The following FIGN variants were observed in gnomAD, a reference collection of about 807,000 sequenced individuals.
The protein encoded by FIGN is fidgetin.
In FIGN, 11 loss-of-function variants were observed where a neutral mutation model predicts 51.3. That is an observed-to-expected ratio of 0.21 (90% CI 0.13 to 0.35). The LOEUF is 0.35. Among genes scored for constraint, FIGN ranks in the 10% least tolerant of loss-of-function variants. FIGN has a pLI of 1.00. For missense variants in FIGN, 857 were observed against 943.6 expected, an observed-to-expected ratio of 0.91 and a Z score of 1.20; for synonymous variants, 407 against 363.2, an observed-to-expected ratio of 1.12 and a Z score of -1.37.
intron 2 of FIGN, among the ~76,000 whole-genome samples, chr2:163,715,156 C>T (rs1684648958): frequency 2.0e-5 from 3 of 152,140 alleles, no homozygotes; most frequent in Admixed American, 6.6e-5. Flanking sequence ...TGTTGATCTA[C>T]CATAAAGGAT....
chr2:163,701,919 A>G (rs10179526), intron 2 of FIGN, among the ~76,000 whole-genome samples: 82,097 of 151,928 alleles, frequency 0.54, 25,753 homozygotes, highest in Admixed American at 0.68. Context: ...AAGTAGAAAA[A>G]CTGTAATTTT....
chr2:163,638,659 C>T (rs748338710), intron 2 of FIGN, among the ~76,000 whole-genome samples: 20 of 152,098 alleles, frequency 1.3e-4, no homozygotes, highest in Non-Finnish European at 2.2e-4. Flanking sequence ...TGGGTAGATG[C>T]AAAAATTCTG....
intron 2 of FIGN, among the ~76,000 whole-genome samples, chr2:163,670,383 C>G (rs908902401): frequency 6.6e-6 from 1 of 152,046 alleles, no homozygotes; most frequent in Non-Finnish European, 1.5e-5. Context: ...AAATAGCTAC[C>G]CACTGGAGTT....
At chr2:163,702,464 A>G (rs994133356) in intron 2 of FIGN, among the ~76,000 whole-genome samples, 4 of 152,162 alleles carry the variant, frequency 2.6e-5, no homozygotes, top group Non-Finnish European at 4.4e-5. Context: ...CACCATTTAT[A>G]ACATTGTGAA....
At chr2:163,645,729 G>A (rs796926317) in intron 2 of FIGN, among the ~76,000 whole-genome samples, 16 of 152,228 alleles carry the variant, frequency 1.1e-4, no homozygotes, top group African/African-American at 2.9e-4. Flanking sequence ...AGCTAGCCTC[G>A]CTCACATTAG....
chr2:163,712,400 C>T (rs1684600904), intron 2 of FIGN, among the ~76,000 whole-genome samples: 1 of 152,112 alleles, frequency 6.6e-6, no homozygotes, highest in African/African-American at 2.4e-5. Flanking sequence ...TGTAGAAACA[C>T]CAGCAAAACC....
intron 2 of FIGN, among the ~76,000 whole-genome samples, chr2:163,630,667 C>CA (rs989984794): frequency 6.2e-5 from 6 of 96,368 alleles, no homozygotes; most frequent in Middle Eastern, 6.1e-3. Flanking sequence ...AGGATTTGTA[C>CA]AAAAAAAAGG....
chr2:163,719,977 A>AT (rs555558935), intron 2 of FIGN, among the ~76,000 whole-genome samples: 10 of 152,004 alleles, frequency 6.6e-5, no homozygotes, highest in East Asian at 5.8e-4. Flanking sequence ...AGCTGAAATC[A>AT]TTTTTTTTAA....
chr2:163,652,331 T>C (rs967399228), intron 2 of FIGN, among the ~76,000 whole-genome samples: 1 of 145,540 alleles, frequency 6.9e-6, no homozygotes, highest in Admixed American at 7.0e-5. Flanking sequence ...GACAGGACCA[T>C]ATCCATTAAC....
rs763970575 is a variant in FIGN, at chr2:163,610,375, T to C, written c.1457A>G (p.Asn486Ser). ...IITQGPPVDW[N>S]DIAGLDLVKA... ...CACCAGGTCGAGACCAGCAATGTCA[T>C]TCCAGTCCACTGGAGGTCCTTGGGT... Residue 486 changes from asparagine (N) to serine (S), a missense_variant, in exon 3 of 3, where the codon AAT (asparagine) becomes AGT (serine). By Grantham distance (46) the Asn-to-Ser change is conservative (BLOSUM62 1). This residue lies in a region of FIGN where 799 missense variants were observed against 849.5 expected (regional missense o/e 0.94). Transcript: ENST00000333129. The C allele has an allele frequency of 2.5e-6, 4 of 1,614,162 alleles. No individual in the cohort carries two copies. In the South Asian group the frequency reaches 4.4e-5, roughly 18 times the overall value.
rs566481989 is a variant in FIGN, at chr2:163,612,356, T to G, written c.26-550A>C. On this transcript the variant is annotated intron_variant, in intron 2 of 2. Coordinates refer to ENST00000333129, the MANE Select transcript of FIGN (RefSeq NM_018086.4). ...CTCTTATTTGGTACTGAACACCTAG[T>G]TAGCACAGTATAATGCTCCCTGCGC... is the stretch of plus-strand genomic sequence containing the variant. 7.1e-6 allele frequency: 7 copies of G among 985,408 alleles called. No homozygotes were observed. The South Asian group carries it at 3.3e-4, about 46-fold the overall frequency. The allele number at this position is 985,408 out of a possible 1,614,324, so 61.0% of individuals were successfully genotyped here.
chr2:163,658,074 A>G (rs1441974407), intron 2 of FIGN, among the ~76,000 whole-genome samples: 1 of 152,216 alleles, frequency 6.6e-6, no homozygotes, highest in Non-Finnish European at 1.5e-5. Context: ...TTCTTTTAAT[A>G]GAAATAATGC....
intron 2 of FIGN, among the ~76,000 whole-genome samples, chr2:163,615,641 A>G (rs763111724): frequency 1.4e-4 from 22 of 152,148 alleles, no homozygotes; most frequent in Admixed American, 7.9e-4. Context: ...GCACTCAAAT[A>G]ATGGGTTGAG....
chr2:163,612,692 ATGTG>A (rs10678331), intron 2 of FIGN: 286 of 385,270 alleles, frequency 7.4e-4, no homozygotes, highest in Non-Finnish European at 8.2e-4. Flanking sequence ...AGAGGGGAGA[ATGTG>A]TGTGTGTGTG....
At position 163,734,933 on chromosome 2, in the gene FIGN, G is replaced by C. The variant is rs758529599; in HGVS notation, c.-6C>G. On this transcript the variant is annotated 5_prime_UTR_variant, in exon 2 of 3. Transcript: ENST00000333129. ...ACACTGGTGCTACTGATCATTTCTT[G>C]CTGGCAGCACAAAAAGCTGAATTGG... 1.2e-6 allele frequency: 2 copies of C among 1,611,426 alleles called. No individual in the cohort carries two copies. Among genetic ancestry groups the C allele is most frequent in the Admixed American group, 3.4e-5 (2 of 59,516 alleles).
At chr2:163,668,227 G>T (rs549128641) in intron 2 of FIGN, among the ~76,000 whole-genome samples, 1 of 152,086 alleles carries the variant, frequency 6.6e-6, no homozygotes, top group Non-Finnish European at 1.5e-5. Context: ...AAGACACCAT[G>T]GGGCTAAAGG....
At chr2:163,654,005 A>C (rs574062093) in intron 2 of FIGN, among the ~76,000 whole-genome samples, 222 of 152,242 alleles carry the variant, frequency 1.5e-3, no homozygotes, top group African/African-American at 5.2e-3. Flanking sequence ...GCTAATATGA[A>C]TATAAGGATA....
intron 2 of FIGN, among the ~76,000 whole-genome samples, chr2:163,650,969 C>A (rs2105321557): frequency 6.6e-6 from 1 of 152,290 alleles, no homozygotes; most frequent in African/African-American, 2.4e-5. Flanking sequence ...GAAATAGTTT[C>A]TGTGTTGAGG....
At chr2:163,717,512 G>A (rs541334593) in intron 2 of FIGN, among the ~76,000 whole-genome samples, 1 of 152,208 alleles carries the variant, frequency 6.6e-6, no homozygotes, top group East Asian at 1.9e-4. Context: ...ACATTTGAGA[G>A]AGGTGTATTT....
Sources: allele counts gnomAD v4.1 joint callset (sites outside exome capture counted in the v4.1 genomes callset), GRCh38; gene constraint gnomAD v4.1.1; regional missense constraint gnomAD v4.1.1; transcripts MANE v1.5; gene names NCBI Gene and HGNC (gene_info 2026-07-23, HGNC 2026-07-21).